Variants in CAMK2D observed in about 807,000 individuals in gnomAD.
The protein encoded by CAMK2D is calcium/calmodulin dependent protein kinase II delta.
In CAMK2D, 37 loss-of-function variants were observed where a neutral mutation model predicts 84.0. That is an observed-to-expected ratio of 0.44 (90% CI 0.34 to 0.58). The LOEUF (loss-of-function observed/expected upper bound fraction) is 0.58, where lower values mean the gene tolerates loss of function less well. CAMK2D is among the 20% of genes least tolerant of loss of function. CAMK2D has a pLI of 0.02. For synonymous variants in CAMK2D, 202 were observed against 212.5 expected (o/e 0.95, Z 0.43); for missense variants, 448 against 652.5 (o/e 0.69, Z 3.41).
At chr4:113,547,494 A>C in intron 6 of CAMK2D, 150 bp downstream of exon 6, 1 of 494,528 alleles carries the variant, frequency 2.0e-6, no homozygotes, top group Non-Finnish European at 3.6e-6. Context: ...GAAATAAGAG[A>C]GACTGTGGTG....
intron 2 of CAMK2D, among the ~76,000 whole-genome samples, chr4:113,691,532 C>A (rs372420172): frequency 1.3e-5 from 2 of 152,148 alleles, no homozygotes; most frequent in South Asian, 2.1e-4. Context: ...GTGGGCGGAT[C>A]ACTTGAGGTC....
At chr4:113,600,988 T>C (rs1363161569) in intron 4 of CAMK2D, among the ~76,000 whole-genome samples, 1 of 152,168 alleles carries the variant, frequency 6.6e-6, no homozygotes, top group African/African-American at 2.4e-5. Flanking sequence ...GAATAAAAAT[T>C]ACTAAAGCAA....
chr4:113,528,769 C>T (rs2098438731), intron 8 of CAMK2D, among the ~76,000 whole-genome samples: 1 of 152,076 alleles, frequency 6.6e-6, no homozygotes, highest in Non-Finnish European at 1.5e-5. Flanking sequence ...AGTCTCAGGC[C>T]ACTCTGTTGC....
chr4:113,721,223 T>C (rs575340666), intron 2 of CAMK2D, among the ~76,000 whole-genome samples: 155 of 152,180 alleles, frequency 1.0e-3, no homozygotes, highest in African/African-American at 3.7e-3. Context: ...TAATTACTAG[T>C]AATAAGAGAG....
At chr4:113,594,094 A>G (rs6533702) in intron 4 of CAMK2D, among the ~76,000 whole-genome samples, 109,607 of 152,080 alleles carry the variant, frequency 0.72, 39,795 homozygotes, top group Middle Eastern at 0.77. Context: ...AAAGCAAAGC[A>G]GCAACAGGCA....
At chr4:113,592,929 C>A (rs2098898729) in intron 4 of CAMK2D, among the ~76,000 whole-genome samples, 1 of 152,162 alleles carries the variant, frequency 6.6e-6, no homozygotes, top group African/African-American at 2.4e-5. Flanking sequence ...TCTCAGTTTA[C>A]TGCAGCCTCT....
chr4:113,495,617 A>G (rs1296074425), intron 16 of CAMK2D, among the ~76,000 whole-genome samples: 2 of 152,220 alleles, frequency 1.3e-5, no homozygotes, highest in Admixed American at 1.3e-4. Context: ...GTCATCAAAC[A>G]TGAATCACCA....
chr4:113,572,334 T>A (rs1006411488), intron 4 of CAMK2D, among the ~76,000 whole-genome samples: 1 of 152,024 alleles, frequency 6.6e-6, no homozygotes, highest in Admixed American at 6.6e-5. Flanking sequence ...CTGAGACTAT[T>A]TATAAGATTT....
chr4:113,643,449 G>A (rs1257495981), intron 3 of CAMK2D, among the ~76,000 whole-genome samples: 1 of 152,160 alleles, frequency 6.6e-6, no homozygotes, highest in Non-Finnish European at 1.5e-5. Context: ...AAATAGTCCA[G>A]GGCCCAATAA....
At chr4:113,660,700 C>G (rs1256935892) in intron 3 of CAMK2D, among the ~76,000 whole-genome samples, 2 of 150,894 alleles carry the variant, frequency 1.3e-5, no homozygotes, top group African/African-American at 4.9e-5. Flanking sequence ...CTAAAGTAAA[C>G]TTTCTACAGG....
intron 15 of CAMK2D, among the ~76,000 whole-genome samples, chr4:113,501,010 C>T (rs934802404): frequency 3.3e-5 from 5 of 151,918 alleles, no homozygotes; most frequent in Non-Finnish European, 4.4e-5. Flanking sequence ...AGCATTTCAC[C>T]GCATCATTTA....
chr4:113,726,939 A>G (rs1418681103), intron 2 of CAMK2D, among the ~76,000 whole-genome samples: 1 of 152,186 alleles, frequency 6.6e-6, no homozygotes, highest in Non-Finnish European at 1.5e-5. Flanking sequence ...TCACTTTCAC[A>G]TGAGATACCC....
chr4:113,627,951 A>G (rs1393668099), intron 3 of CAMK2D, among the ~76,000 whole-genome samples: 1 of 152,208 alleles, frequency 6.6e-6, no homozygotes, highest in Non-Finnish European at 1.5e-5. Context: ...AGTTACAGAA[A>G]CCACAAATAA....
At chr4:113,587,518 T>G (rs1263223190) in intron 4 of CAMK2D, among the ~76,000 whole-genome samples, 1 of 152,274 alleles carries the variant, frequency 6.6e-6, no homozygotes, top group East Asian at 1.9e-4. Context: ...GCAGGGTCTT[T>G]ATTCTTAATT....
intron 16 of CAMK2D, among the ~76,000 whole-genome samples, chr4:113,474,355 C>T (rs1005752356): frequency 1.3e-5 from 2 of 152,170 alleles, no homozygotes; most frequent in Non-Finnish European, 2.9e-5. Context: ...TAAGCATTCT[C>T]TAAGGGTATC....
intron 2 of CAMK2D, chr4:113,754,823 A>G (rs2099624793): frequency 1.0e-6 from 1 of 984,386 alleles, no homozygotes; most frequent in Non-Finnish European, 1.2e-6. Flanking sequence ...AGGATACAAA[A>G]TAATAAGGAT....
At chr4:113,655,509 T>C (rs563289593) in intron 3 of CAMK2D, among the ~76,000 whole-genome samples, 3 of 152,218 alleles carry the variant, frequency 2.0e-5, no homozygotes, top group South Asian at 2.1e-4. Context: ...CATTAAGCCA[T>C]ATTATAATGG....
At chr4:113,532,326 G>C (rs1195583372) in intron 7 of CAMK2D, among the ~76,000 whole-genome samples, 4 of 152,138 alleles carry the variant, frequency 2.6e-5, no homozygotes, top group Non-Finnish European at 5.9e-5. Context: ...TTTGGGGGAA[G>C]ATTGGATAGA....
intron 4 of CAMK2D, among the ~76,000 whole-genome samples, chr4:113,554,009 T>C (rs951314568): frequency 1.3e-5 from 2 of 152,146 alleles, no homozygotes; most frequent in African/African-American, 4.8e-5. Flanking sequence ...AAAACCTACA[T>C]ACATTACAGA....
Sources: gnomAD v4.1 joint callset for allele counts (sites outside exome capture counted in the v4.1 genomes callset) on GRCh38, gnomAD v4.1.1 for gene constraint, MANE v1.5 for transcripts, NCBI Gene and HGNC (gene_info 2026-07-23, HGNC 2026-07-21) for gene names.